Variants in PRDM1 observed in about 807,000 individuals in gnomAD.
The protein encoded by PRDM1 is PR/SET domain 1.
In PRDM1, 13 loss-of-function variants were observed where a neutral mutation model predicts 62.8. The ratio of observed to expected loss-of-function variants is 0.21; its 90% CI spans 0.13 to 0.33. PRDM1 has a LOEUF of 0.33. Ranked by LOEUF, PRDM1 falls within the 10% of genes least tolerant of loss-of-function variation. The pLI is 1.00. For missense variants in PRDM1, 895 were observed against 1,058.8 expected (o/e 0.85, Z 2.15); for synonymous variants, 396 against 417.6 (o/e 0.95, Z 0.63).
chr6:106,063,215 G>A (rs922907324), intron 1 of PRDM1, among the ~76,000 whole-genome samples: 1 of 152,130 alleles, frequency 6.6e-6, no homozygotes, highest in Admixed American at 6.5e-5. Flanking sequence ...ATTTTCAAAG[G>A]CTGCTTTCTA....
At chr6:106,066,700 G>C (rs1279074589) in intron 1 of PRDM1, among the ~76,000 whole-genome samples, 1 of 151,954 alleles carries the variant, frequency 6.6e-6, no homozygotes. Flanking sequence ...TCTACCACCT[G>C]GTTCTAATTG....
chr6:106,051,793 A>C (rs1773178974), intron 1 of PRDM1, among the ~76,000 whole-genome samples: 1 of 152,184 alleles, frequency 6.6e-6, no homozygotes, highest in Admixed American at 6.5e-5. Context: ...TGGATGGCCT[A>C]TGAAGTATTT....
In PRDM1 at chr6:105,994,383, A is replaced by G. The variant is rs1335243946; in HGVS notation, c.-67+744A>G. On this transcript the variant is annotated intron_variant, in intron 1 of 6. Transcript: ENST00000652320. This position sits in a 1 kb window ranked among gnomAD's most constrained non-coding sequence, Gnocchi z 4.1. The stretch of plus-strand genomic sequence containing the variant: ...TAAATTGCGTAATTAAAAAAAAAAA[A>G]TACACCACTGCCACCCTACAGCGAC... Among the ~76,000 whole-genome samples, 1 of 139,472 alleles carries G rather than the reference A, an allele frequency of 7.2e-6. No homozygotes were observed. The highest frequency in any genetic ancestry group is 1.6e-5 in the Non-Finnish European group (1 of 63,682). The allele number at this position is 139,472 out of a possible 152,430, so 91.5% of individuals were successfully genotyped here. A position where few individuals can be genotyped will look rare whatever the true frequency, so the allele number is the denominator to read the frequency against.
At chr6:106,036,686 G>A (rs138176651) in intron 1 of PRDM1, among the ~76,000 whole-genome samples, 10 of 152,188 alleles carry the variant, frequency 6.6e-5, no homozygotes, top group South Asian at 2.1e-4. Context: ...ACAGCCGGGC[G>A]TGGTGGCTCA....
At chr6:106,077,491 G>A (rs1225843600) in intron 1 of PRDM1, among the ~76,000 whole-genome samples, 1 of 152,228 alleles carries the variant, frequency 6.6e-6, no homozygotes, top group Non-Finnish European at 1.5e-5. Flanking sequence ...CTGGGGCCAT[G>A]CCTAGCACTG....
rs1435917963 is a variant in PRDM1 at position 106,109,421 on chromosome 6, TTTATAA to T, written c.*1941_*1946del. On this transcript the variant is annotated 3_prime_UTR_variant, in exon 7 of 7. Coordinates refer to ENST00000369096, the MANE Select transcript of PRDM1 (RefSeq NM_001198.4). ...ATACTGATACATTACTCCAATCTAT[TTTATAA>T]TTATATTTGACATTTTGTTCACATC... 1.7e-5 allele frequency: 4 copies of T among 233,294 alleles called. No individual in the cohort carries two copies. Among genetic ancestry groups the T allele is most frequent in the African/African-American group, 6.6e-5 (3 of 45,314 alleles). The allele number at this position is 233,294 out of a possible 1,614,324, so 14.5% of individuals were successfully genotyped here.
At chr6:106,103,932 C>T (rs1774352879) in intron 4 of PRDM1, among the ~76,000 whole-genome samples, 1 of 152,186 alleles carries the variant, frequency 6.6e-6, no homozygotes, top group Non-Finnish European at 1.5e-5. Context: ...TGGTGAAGTG[C>T]TTAGGCTGTC....
intron 1 of PRDM1, among the ~76,000 whole-genome samples, chr6:106,042,703 T>C (rs1773020721): frequency 6.6e-6 from 1 of 152,166 alleles, no homozygotes; most frequent in Non-Finnish European, 1.5e-5. Context: ...GTTTTGTACC[T>C]CAACTTATGC....
chr6:106,068,743 A>G (rs868189053), intron 1 of PRDM1, among the ~76,000 whole-genome samples: 2 of 152,196 alleles, frequency 1.3e-5, no homozygotes, highest in African/African-American at 4.8e-5. Context: ...TGACAGCATC[A>G]TGTCATCTGC....
chr6:106,029,589 C>G (rs1253349736), intron 1 of PRDM1, among the ~76,000 whole-genome samples: 1 of 152,032 alleles, frequency 6.6e-6, no homozygotes, highest in East Asian at 1.9e-4. Flanking sequence ...ATAACAGTCT[C>G]TTCAACTTTT....
intron 3 of PRDM1, 79 bp from the exon 4 acceptor site, chr6:106,099,221 C>A (rs912339532): frequency 1.2e-5 from 20 of 1,603,004 alleles, no homozygotes; most frequent in Non-Finnish European, 1.7e-5. Context: ...CACACGGTAC[C>A]GGCTGTGTTT....
At chr6:106,028,854 G>A (rs1182781621) in intron 1 of PRDM1, among the ~76,000 whole-genome samples, 1 of 150,548 alleles carries the variant, frequency 6.6e-6, no homozygotes, top group Non-Finnish European at 1.5e-5. Context: ...CTAGAAATTA[G>A]ACTGTATTTT....
intron 1 of PRDM1, among the ~76,000 whole-genome samples, chr6:106,024,502 A>G (rs1318318204): frequency 6.6e-6 from 1 of 152,226 alleles, no homozygotes; most frequent in Non-Finnish European, 1.5e-5. Flanking sequence ...TGTCTCAGAC[A>G]TCTCTTCTAT....
chr6:106,099,639 C>T (rs563314983), intron 4 of PRDM1, 87 bp downstream of exon 4: 7 of 1,527,102 alleles, frequency 4.6e-6, no homozygotes, highest in East Asian at 2.3e-5. Flanking sequence ...TTTAATTATA[C>T]GGCTTTGTCA....
rs145782908 is a variant in PRDM1 at position 106,058,861 on chromosome 6, C to T, written c.-67+10147C>T. On this transcript the variant is annotated intron_variant, in intron 1 of 6. Coordinates refer to the PRDM1 transcript ENST00000651185. ...CTGGGATTATAAGCTTGAGCCACTG[C>T]GCCTGGCCACCAGCATATTTCTTTA... Among the ~76,000 whole-genome samples, 217 of 152,298 alleles carry T rather than the reference C, an allele frequency of 1.4e-3. 2 individuals are homozygous for T. Among genetic ancestry groups the T allele is most frequent in the African/African-American group, 4.7e-3 (196 of 41,568 alleles).
intron 1 of PRDM1, among the ~76,000 whole-genome samples, chr6:106,060,905 T>TC (rs1773334843): frequency 6.6e-6 from 1 of 151,994 alleles, no homozygotes; most frequent in Non-Finnish European, 1.5e-5. Flanking sequence ...GTGAAAGTCT[T>TC]CCGTCATCAA....
chr6:106,007,465 T>G (rs1281722178), intron 1 of PRDM1, among the ~76,000 whole-genome samples: 1 of 148,396 alleles, frequency 6.7e-6, no homozygotes, highest in Non-Finnish European at 1.5e-5. Context: ...CAAAGGCAAC[T>G]GTCATTTTTG....
intron 1 of PRDM1, among the ~76,000 whole-genome samples, chr6:106,024,152 T>C (rs1021684003): frequency 1.3e-5 from 2 of 148,514 alleles, no homozygotes; most frequent in Non-Finnish European, 3.0e-5. Context: ...AAAAAAAAAA[T>C]TGAATCAGTG....
At chr6:105,997,440 C>T (rs776020510) in intron 1 of PRDM1, among the ~76,000 whole-genome samples, 5 of 152,178 alleles carry the variant, frequency 3.3e-5, no homozygotes, top group Non-Finnish European at 5.9e-5. Flanking sequence ...ATATTTGCTT[C>T]GTTAATAGTA....
Sources: gnomAD v4.1 joint callset for allele counts (sites outside exome capture counted in the v4.1 genomes callset) on GRCh38, gnomAD v4.1.1 for gene constraint, Gnocchi (gnomAD v3.1) non-coding constraint, MANE v1.5 for transcripts, NCBI Gene and HGNC (gene_info 2026-07-23, HGNC 2026-07-21) for gene names.